The following NDUFV2 variants were observed in gnomAD, a reference collection of about 807,000 sequenced individuals.
The protein encoded by NDUFV2 is NADH dehydrogenase [ubiquinone] flavoprotein 2, mitochondrial.
A neutral mutation model predicts 31.6 loss-of-function variants in NDUFV2; 18 were observed. The ratio of observed to expected loss-of-function variants is 0.57; its 90% CI spans 0.39 to 0.84. The LOEUF is 0.84. Ranked by LOEUF, NDUFV2 falls within the 40% of genes least tolerant of loss-of-function variation. NDUFV2 has a pLI of 0.00. For missense variants in NDUFV2, 314 were observed against 303.6 expected (o/e 1.03, Z -0.26); for synonymous variants, 83 against 99.8 (o/e 0.83, Z 1.01).
At chr18:9,117,510 G>A (rs2077904473) in intron 1 of NDUFV2, 1 of 286,322 alleles carries the variant, frequency 3.5e-6, no homozygotes, top group South Asian at 4.3e-5. Context: ...TCAGACAAAA[G>A]TGAAAGTCAA....
rs558646028 is a variant in NDUFV2, at chr18:9,124,290, A to T, written c.470-584A>T. 2.4e-4 allele frequency among the ~76,000 whole-genome samples: 36 copies of T among 151,232 alleles called. No individual in the cohort carries two copies. In the East Asian group the frequency reaches 3.1e-3, roughly 13 times the overall value. The stretch of plus-strand genomic sequence containing the variant: ...AAAAAATTTTTACTACTGTAAAAAA[A>T]TTTTTAATTTTTTTGTAGAGCTGTG... On this transcript the variant is annotated intron_variant, in intron 5 of 7. Coordinates refer to ENST00000318388, the MANE Select transcript of NDUFV2 (RefSeq NM_021074.5).
rs2077918733 is a variant in NDUFV2, at chr18:9,119,463, C to CT, written c.184-7dup. The CT allele has an allele frequency of 6.2e-7, 1 of 1,609,752 alleles. No homozygotes were observed. The highest frequency in any genetic ancestry group is 1.3e-5 in the African/African-American group (1 of 74,808). On this transcript the variant is annotated splice_polypyrimidine_tract_variant and intron_variant, in intron 3 of 7. Transcript: ENST00000318388. Reference sequence around the variant, plus strand: ...CTAGATGTATAAAATGATGTTCTTTCTTTTATACAGAGGATAGAGGCAATT... The same window carrying CT: ...CTAGATGTATAAAATGATGTTCTTTCTTTTTATACAGAGGATAGAGGCAATT...
At chr18:9,108,900 A>G (rs1182811324) in intron 1 of NDUFV2, among the ~76,000 whole-genome samples, 4 of 152,172 alleles carry the variant, frequency 2.6e-5, no homozygotes, top group Non-Finnish European at 5.9e-5. Context: ...CATGTTGGCT[A>G]GGCTGGTCTC....
At position 9,119,407 on chromosome 18, in the gene NDUFV2, T is replaced by A. The variant is rs41274298; in HGVS notation, c.183+19T>A. On this transcript the variant is annotated intron_variant, in intron 3 of 7. Coordinates refer to ENST00000318388, the MANE Select transcript of NDUFV2 (RefSeq NM_021074.5). ...CTATAAGGTATGGCTAAATTAACAT[T>A]ATAATTAATTTACCAAATAGGTAAT... is the stretch of plus-strand genomic sequence containing the variant. The A allele has an allele frequency of 4.1e-3, 6,519 of 1,605,066 alleles. 18 individuals are homozygous for A. The highest frequency in any genetic ancestry group is 5.0e-3 in the Non-Finnish European group (5,822 of 1,172,072).
intron 7 of NDUFV2, among the ~76,000 whole-genome samples, chr18:9,133,119 T>A (rs1211732914): frequency 6.6e-6 from 1 of 152,240 alleles, no homozygotes; most frequent in Non-Finnish European, 1.5e-5. Flanking sequence ...TTGAAAGATC[T>A]TATATTATGT....
intron 2 of NDUFV2, 122 bp from the exon 3 acceptor site, chr18:9,119,204 G>A: frequency 1.3e-6 from 1 of 768,276 alleles, no homozygotes; most frequent in Non-Finnish European, 2.3e-6. Context: ...GGATAGGGTG[G>A]TATATATCAT....
At position 9,111,648 on chromosome 18, in the gene NDUFV2, C is replaced by G. The variant is rs141232585; in HGVS notation, c.55-6190C>G. Among the ~76,000 whole-genome samples the G allele has an allele frequency of 1.2e-3, 176 of 151,932 alleles. 7 individuals carry two copies. Among genetic ancestry groups the G allele is most frequent in the African/African-American group, 4.0e-3 (165 of 41,288 alleles). On this transcript the variant is annotated intron_variant, in intron 1 of 7. Transcript: ENST00000318388. Reference sequence around the variant, plus strand: ...CTCATCATGTTGGCTAGGCTGGTCTCGAACTCATGACCTCAGGTGATCCGT... The same window carrying G: ...CTCATCATGTTGGCTAGGCTGGTCTGGAACTCATGACCTCAGGTGATCCGT...
At chr18:9,116,919 G>A (rs1262466914) in intron 1 of NDUFV2, among the ~76,000 whole-genome samples, 5 of 152,168 alleles carry the variant, frequency 3.3e-5, no homozygotes, top group African/African-American at 1.2e-4. Context: ...GGTAGGAGTG[G>A]AGGGTAGGAG....
intron 1 of NDUFV2, among the ~76,000 whole-genome samples, chr18:9,108,786 G>A (rs1343101659): frequency 2.0e-5 from 3 of 151,168 alleles, no homozygotes; most frequent in Non-Finnish European, 4.4e-5. Flanking sequence ...TGCCTCCCGG[G>A]TTCAAGCGAT....
At chr18:9,122,419 T>A in intron 4 of NDUFV2, 94 bp from the exon 5 acceptor site, 2 of 1,183,460 alleles carry the variant, frequency 1.7e-6, no homozygotes, top group South Asian at 2.6e-5. Context: ...TTTACCAAAT[T>A]GAGACAATAT....
rs1024384224 is a variant in NDUFV2 at position 9,117,872 on chromosome 18, T to A, written c.89T>A (p.Met30Lys). 3 of 1,599,788 alleles carry A rather than the reference T, an allele frequency of 1.9e-6. No individual in the cohort carries two copies. Among genetic ancestry groups the A allele is most frequent in the Non-Finnish European group, 2.6e-6 (3 of 1,167,196 alleles). ...GTAAGGAATTTGCATAAGACAGTTA[T>A]GCAAAATGGAGCTGGAGGAGCTTTA... The part of the protein sequence containing the change: ...RHVRNLHKTV[M>K]QNGAGGALFV... Residue 30 changes from methionine to lysine, a missense_variant, in exon 2 of 8, where the codon ATG (methionine) becomes AAG (lysine). Coordinates refer to ENST00000318388, the MANE Select transcript of NDUFV2 (RefSeq NM_021074.5).
intron 1 of NDUFV2, among the ~76,000 whole-genome samples, chr18:9,104,650 C>T (rs748165571): frequency 3.3e-5 from 5 of 152,040 alleles, no homozygotes; most frequent in Non-Finnish European, 5.9e-5. Context: ...GTTTCTGGAA[C>T]TCTCTTTCTC....
At chr18:9,104,915 G>T (rs751180233) in intron 1 of NDUFV2, 1 of 1,493,502 alleles carries the variant, frequency 6.7e-7, no homozygotes, top group East Asian at 2.4e-5. Flanking sequence ...AATTACCATT[G>T]TTAACATTTT....
chr18:9,113,272 A>G (rs2077880879), intron 1 of NDUFV2, among the ~76,000 whole-genome samples: 1 of 152,228 alleles, frequency 6.6e-6, no homozygotes, highest in African/African-American at 2.4e-5. Context: ...TCCTCTCCTT[A>G]GAGACAGCAG....
intron 7 of NDUFV2, among the ~76,000 whole-genome samples, chr18:9,130,679 GCTGT>G (rs1389473941): frequency 6.6e-6 from 1 of 152,098 alleles, no homozygotes; most frequent in African/African-American, 2.4e-5. Context: ...ATTAACCAAA[GCTGT>G]CTAATTCTTT....
intron 1 of NDUFV2, among the ~76,000 whole-genome samples, chr18:9,110,530 A>C (rs1000427352): frequency 6.6e-6 from 1 of 151,952 alleles, no homozygotes; most frequent in Non-Finnish European, 1.5e-5. Flanking sequence ...CTTTTTTGAG[A>C]CAGGGTCTCA....
Position 9,119,501 on chromosome 18 carries a change from C to A in NDUFV2, c.211C>A (p.Pro71Thr). 6.2e-7 allele frequency: 1 copy of A among 1,613,782 alleles called. No homozygotes were observed. The highest frequency in any genetic ancestry group is 1.1e-5 in the South Asian group (1 of 91,070). ...GATAGAGGCAATTGTAAAAAACTAT[C>A]CAGAAGGCCATAAAGCAGCAGCTGT... Reference protein sequence around the residue: ...KRIEAIVKNYPEGHKAAAVLP... With the variant: ...KRIEAIVKNYTEGHKAAAVLP... The change falls in exon 4 of 8, where the codon CCA becomes ACA. Residue 71 changes from proline to threonine, a missense_variant. By Grantham distance (38) the Pro-to-Thr change is conservative. Coordinates refer to ENST00000318388, the MANE Select transcript of NDUFV2 (RefSeq NM_021074.5).
At chr18:9,120,553 A>T (rs755219233) in intron 4 of NDUFV2, among the ~76,000 whole-genome samples, 1 of 152,240 alleles carries the variant, frequency 6.6e-6, no homozygotes, top group Non-Finnish European at 1.5e-5. Flanking sequence ...TAGGCTAGAC[A>T]ATCATCTTTC....
intron 6 of NDUFV2, among the ~76,000 whole-genome samples, chr18:9,126,454 AAT>A (rs758744751): frequency 6.6e-6 from 1 of 152,232 alleles, no homozygotes; most frequent in Non-Finnish European, 1.5e-5. Context: ...CTCAAATGCA[AAT>A]ATGTTTCAAT....
Sources: gnomAD v4.1 joint callset for allele counts (sites outside exome capture counted in the v4.1 genomes callset) on GRCh38, gnomAD v4.1.1 for gene constraint, MANE v1.5 for transcripts, NCBI Gene and HGNC (gene_info 2026-07-23, HGNC 2026-07-21) for gene names.